Variants in CMSS1 observed in about 807,000 individuals in gnomAD.
The protein encoded by CMSS1 is cms1 ribosomal small subunit homolog, also known as protein CMSS1.
Under a neutral mutation model 43.5 loss-of-function variants are expected in CMSS1, and 33 were observed. The observed-to-expected ratio is 0.76, with a 90% confidence interval of 0.57 to 1.01. The LOEUF (loss-of-function observed/expected upper bound fraction) is 1.01. CMSS1 is among the 50% of genes least tolerant of loss of function. The probability of loss-of-function intolerance (pLI) is 0.00; values close to 1 mark genes in which losing one functional copy is unlikely to be tolerated. For synonymous variants in CMSS1, 115 were observed against 117.2 expected (o/e 0.98, Z 0.12); for missense variants, 313 against 326.4 (o/e 0.96, Z 0.32).
intron 1 of CMSS1, chr3:99,830,567 G>A (rs1942639742): frequency 4.4e-6 from 2 of 456,534 alleles, no homozygotes; most frequent in South Asian, 3.1e-5. Flanking sequence ...TCGGTTTAGG[G>A]ATCCGTGCTG....
intron 1 of CMSS1, among the ~76,000 whole-genome samples, chr3:100,000,277 G>C (rs995624513): frequency 6.6e-6 from 1 of 152,082 alleles, no homozygotes; most frequent in African/African-American, 2.4e-5. Context: ...TCATCCAAAG[G>C]GGCCTCCTCT....
rs71907944 is a variant in CMSS1 at position 100,062,093 on chromosome 3, C to CTTTTTTTT, written c.65-84851_65-84844dup. Among the ~76,000 whole-genome samples, 123 of 53,178 alleles carry CTTTTTTTT rather than the reference C, an allele frequency of 2.3e-3. 32 individuals are homozygous for CTTTTTTTT. The highest frequency in any genetic ancestry group is 8.4e-3 in the African/African-American group (94 of 11,244). The allele number at this position is 53,178 out of a possible 152,430, so 34.9% of individuals were successfully genotyped here. On this transcript the variant is annotated intron_variant, in intron 1 of 9. Coordinates refer to ENST00000421999, the MANE Select transcript of CMSS1 (RefSeq NM_032359.4). ...CCACTTGTGGTTATCCTGTCTTCTT[C>CTTTTTTTT]TTTTTTTTTTTTTTTTTTTTTTTTT...
intron 8 of CMSS1, among the ~76,000 whole-genome samples, chr3:100,174,334 G>T (rs1260597152): frequency 6.6e-6 from 1 of 152,044 alleles, no homozygotes; most frequent in Non-Finnish European, 1.5e-5. Context: ...CTGGAATCCA[G>T]ATTTTTTTGT....
intron 1 of CMSS1, among the ~76,000 whole-genome samples, chr3:99,821,640 A>G (rs1274217596): frequency 6.6e-6 from 1 of 152,216 alleles, no homozygotes; most frequent in South Asian, 2.1e-4. Flanking sequence ...AGCAAACACA[A>G]TGCCTGAGAT....
chr3:99,911,320 A>G (rs1036088360), intron 1 of CMSS1, among the ~76,000 whole-genome samples: 64 of 148,344 alleles, frequency 4.3e-4, no homozygotes, highest in African/African-American at 1.5e-3. Flanking sequence ...ATTATATATT[A>G]TATAATATAT....
At chr3:99,895,782 A>G (rs17338680) in intron 1 of CMSS1, among the ~76,000 whole-genome samples, 11,966 of 152,224 alleles carry the variant, frequency 0.079, 554 homozygotes, top group Admixed American at 0.11. Flanking sequence ...TTGACTCAGG[A>G]CAATACCCTA....
intron 1 of CMSS1, chr3:99,849,701 G>T: frequency 6.2e-7 from 1 of 1,613,604 alleles, no homozygotes. Flanking sequence ...CTTCGTTCTA[G>T]AGTCTCATAT....
intron 6 of CMSS1, among the ~76,000 whole-genome samples, chr3:100,168,863 T>TTTTA (rs760713120): frequency 3.1e-4 from 46 of 146,126 alleles, no homozygotes; most frequent in South Asian, 6.5e-4. Context: ...AGATTACAAA[T>TTTTA]TATATATATA....
At chr3:99,893,554 C>A (rs1401408572) in intron 1 of CMSS1, among the ~76,000 whole-genome samples, 4 of 152,090 alleles carry the variant, frequency 2.6e-5, no homozygotes, top group Admixed American at 2.0e-4. Flanking sequence ...CAATCTAAGA[C>A]TAGATTTTGG....
chr3:100,049,182 G>A (rs986345386), intron 1 of CMSS1, among the ~76,000 whole-genome samples: 4 of 152,164 alleles, frequency 2.6e-5, no homozygotes, highest in African/African-American at 9.6e-5. Context: ...ATACCTTTGG[G>A]AACACATATC....
chr3:99,991,590 C>T (rs1283529752), intron 1 of CMSS1, among the ~76,000 whole-genome samples: 1 of 151,850 alleles, frequency 6.6e-6, no homozygotes, highest in African/African-American at 2.4e-5. Flanking sequence ...ATTTTTCAAC[C>T]CTCACCCCCC....
intron 4 of CMSS1, among the ~76,000 whole-genome samples, chr3:100,165,023 C>T (rs150392738): frequency 6.8e-4 from 104 of 152,228 alleles, no homozygotes; most frequent in African/African-American, 2.4e-3. Flanking sequence ...TTAGTGATTC[C>T]TAATTGCCTA....
chr3:100,074,720 G>A (rs568380956), intron 1 of CMSS1, among the ~76,000 whole-genome samples: 67 of 27,402 alleles, frequency 2.4e-3, no homozygotes, highest in Admixed American at 0.017. Flanking sequence ...TTGAGACGAA[G>A]TCTCACTCTG....
intron 4 of CMSS1, among the ~76,000 whole-genome samples, chr3:100,164,948 G>A (rs2067054215): frequency 6.6e-6 from 1 of 152,128 alleles, no homozygotes; most frequent in Admixed American, 6.5e-5. Context: ...AGGATTTCAA[G>A]GTTGGAGTCA....
At position 99,820,027 on chromosome 3, in the gene CMSS1, A is replaced by C. The variant is rs570253951; in HGVS notation, c.64+1984A>C. On this transcript the variant is annotated intron_variant, in intron 1 of 9. Coordinates refer to ENST00000421999, the MANE Select transcript of CMSS1 (RefSeq NM_032359.4). ...CTCGGCCTCCCAAAGTGCTGGGATT[A>C]CAGGCGTGAGCCACCGTGCCTGGCC... 7.2e-5 allele frequency among the ~76,000 whole-genome samples: 11 copies of C among 151,954 alleles called. No homozygotes were observed. In the South Asian group the frequency reaches 2.3e-3, roughly 32 times the overall value.
Position 99,832,560 on chromosome 3 carries a change from A to G in CMSS1, c.64+14517A>G, listed in dbSNP as rs78586315. ...CAAATCTTTAAAAAAAAAAAAAAAA[A>G]GGCCTAGCGCAGTGGCTCATACCTG... On this transcript the variant is annotated intron_variant, in intron 1 of 9. Coordinates refer to ENST00000421999, the MANE Select transcript of CMSS1 (RefSeq NM_032359.4). Among the ~76,000 whole-genome samples the G allele has an allele frequency of 2.0e-3, 240 of 120,766 alleles. 4 individuals carry two copies. The highest frequency in any genetic ancestry group is 3.8e-3 in the African/African-American group (118 of 30,736). 79.2% of individuals were successfully genotyped at this position (120,766 alleles called of 152,430 possible).
chr3:100,001,899 G>A (rs138214681), intron 1 of CMSS1, among the ~76,000 whole-genome samples: 44 of 152,254 alleles, frequency 2.9e-4, no homozygotes, highest in Non-Finnish European at 5.3e-4. Context: ...ATAGAAGGTC[G>A]GGGACCCAAC....
intron 1 of CMSS1, among the ~76,000 whole-genome samples, chr3:100,114,777 T>G (rs1202305723): frequency 2.0e-5 from 3 of 152,188 alleles, no homozygotes; most frequent in Non-Finnish European, 1.5e-5. Context: ...CACCTCATTT[T>G]GTACCCTGCA....
intron 1 of CMSS1, among the ~76,000 whole-genome samples, chr3:99,888,640 C>T (rs1002190887): frequency 6.6e-6 from 1 of 152,134 alleles, no homozygotes; most frequent in African/African-American, 2.4e-5. Context: ...CTTAACCTAT[C>T]AACAATTTTA....
Sources: allele counts gnomAD v4.1 joint callset (sites outside exome capture counted in the v4.1 genomes callset), GRCh38; gene constraint gnomAD v4.1.1; transcripts MANE v1.5; gene names NCBI Gene and HGNC (gene_info 2026-07-23, HGNC 2026-07-21).